The following RPH3A variants were observed in gnomAD, a reference collection of about 807,000 sequenced individuals.
The protein encoded by RPH3A is rabphilin 3A.
A neutral mutation model predicts 102.2 loss-of-function variants in RPH3A; 48 were observed. The observed-to-expected ratio is 0.47, with a 90% CI of 0.37 to 0.60. RPH3A has a LOEUF of 0.60. RPH3A is among the 20% of genes least tolerant of loss of function. The probability of loss-of-function intolerance (pLI) is 0.00; values close to 1 mark genes in which losing one functional copy is unlikely to be tolerated. For missense variants in RPH3A, 781 were observed against 910.1 expected, an observed-to-expected ratio of 0.86 and a Z score of 1.83; for synonymous variants, 310 against 324.3, an observed-to-expected ratio of 0.96 and a Z score of 0.47.
At chr12:112,741,942 C>T (rs1271054831) in intron 1 of RPH3A, among the ~76,000 whole-genome samples, 1 of 152,242 alleles carries the variant, frequency 6.6e-6, no homozygotes, top group East Asian at 1.9e-4. Flanking sequence ...TGATTTTGCA[C>T]GTACTAAACC....
At chr12:112,643,887 TCA>T (rs2135993038) in intron 1 of RPH3A, among the ~76,000 whole-genome samples, 1 of 152,310 alleles carries the variant, frequency 6.6e-6, no homozygotes, top group East Asian at 1.9e-4. Flanking sequence ...ACAGCACTAT[TCA>T]CAAAAGCTAA....
chr12:112,588,386 A>G (rs1566218423), intron 1 of RPH3A, among the ~76,000 whole-genome samples: 1 of 149,630 alleles, frequency 6.7e-6, no homozygotes. Flanking sequence ...CATGTCTTAC[A>G]TGAAAGAAAG....
At chr12:112,634,240 T>G (rs61942289) in intron 1 of RPH3A, among the ~76,000 whole-genome samples, 1 of 37,930 alleles carries the variant, frequency 2.6e-5, no homozygotes, top group African/African-American at 1.9e-4. Flanking sequence ...CCCAGCTACT[T>G]GGGAGGCTGA....
chr12:112,588,389 A>ATGACAGGC (rs111337644), intron 1 of RPH3A, among the ~76,000 whole-genome samples: 17,016 of 152,164 alleles, frequency 0.11, 1,105 homozygotes, highest in South Asian at 0.34. Context: ...GTCTTACATG[A>ATGACAGGC]AAGAAAGTGC....
At chr12:112,713,444 T>A (rs961314716) in intron 1 of RPH3A, among the ~76,000 whole-genome samples, 9 of 152,272 alleles carry the variant, frequency 5.9e-5, no homozygotes, top group African/African-American at 2.2e-4. Context: ...AAATCAACAG[T>A]GTGTAGAAAA....
chr12:112,887,847 A>T lies in RPH3A; in HGVS notation c.1487A>T (p.Glu496Val), dbSNP rs753868235. The T allele has an allele frequency of 2.5e-6, 4 of 1,613,884 alleles. No homozygotes were observed. Among genetic ancestry groups the T allele is most frequent in the Non-Finnish European group, 3.4e-6 (4 of 1,179,888 alleles). Reference protein sequence around the residue: ...DKFGHNEFIGETRFSLKKLKP... With the variant: ...DKFGHNEFIGVTRFSLKKLKP... The stretch of plus-strand genomic sequence containing the variant: ...TTTGGCCACAATGAATTTATTGGTG[A>T]GACCAGATTCTCCCTCAAGAAACTG... The change falls in exon 17 of 22, where the codon GAG becomes GTG. Residue 496 changes from glutamate to valine, a missense_variant. This residue lies in a region of RPH3A where 730 missense variants were observed against 810.0 expected (regional missense o/e 0.90). Coordinates refer to ENST00000389385, the MANE Select transcript of RPH3A (RefSeq NM_001143854.2).
chr12:112,586,921 C>T (rs1483350297), intron 1 of RPH3A, among the ~76,000 whole-genome samples: 1 of 152,176 alleles, frequency 6.6e-6, no homozygotes, highest in Non-Finnish European at 1.5e-5. Context: ...CATGATAGAT[C>T]CCTTATGGAG....
intron 5 of RPH3A, among the ~76,000 whole-genome samples, chr12:112,861,736 G>A (rs1565926072): frequency 6.6e-6 from 1 of 152,188 alleles, no homozygotes; most frequent in Non-Finnish European, 1.5e-5. Flanking sequence ...ATCCCCGGCT[G>A]GGTGCAGTGG....
At chr12:112,860,594 A>G (rs1243823913) in intron 5 of RPH3A, among the ~76,000 whole-genome samples, 2 of 152,196 alleles carry the variant, frequency 1.3e-5, no homozygotes, top group East Asian at 3.9e-4. Context: ...CTTAAAGCAC[A>G]CTGCGGTTTA....
intron 1 of RPH3A, among the ~76,000 whole-genome samples, chr12:112,763,827 G>A (rs944282114): frequency 5.9e-5 from 9 of 152,184 alleles, no homozygotes; most frequent in Non-Finnish European, 8.8e-5. Flanking sequence ...TTAGCTGCGA[G>A]AAGGGTTCAC....
chr12:112,604,966 G>T (rs918954614), intron 1 of RPH3A, among the ~76,000 whole-genome samples: 1 of 152,198 alleles, frequency 6.6e-6, no homozygotes, highest in African/African-American at 2.4e-5. Flanking sequence ...GTTGTGTATT[G>T]TTAATTCTGC....
At chr12:112,627,066 G>C (rs980450698) in intron 1 of RPH3A, among the ~76,000 whole-genome samples, 1 of 112,828 alleles carries the variant, frequency 8.9e-6, no homozygotes, top group African/African-American at 3.4e-5. Flanking sequence ...TGGTGGGGTG[G>C]GGGGAGGGGG....
intron 1 of RPH3A, among the ~76,000 whole-genome samples, chr12:112,619,439 A>C (rs2039706175): frequency 6.6e-6 from 1 of 152,022 alleles, no homozygotes; most frequent in Non-Finnish European, 1.5e-5. Context: ...GCATGCTATC[A>C]TGCCCAGCTA....
chr12:112,605,509 T>C (rs1045532173), intron 1 of RPH3A, among the ~76,000 whole-genome samples: 1 of 152,200 alleles, frequency 6.6e-6, no homozygotes, highest in African/African-American at 2.4e-5. Context: ...ATACAACTTA[T>C]GGGTGGTGGA....
chr12:112,660,599 C>T (rs2040042472), intron 1 of RPH3A, among the ~76,000 whole-genome samples: 1 of 152,130 alleles, frequency 6.6e-6, no homozygotes, highest in Non-Finnish European at 1.5e-5. Context: ...GCAGGAGTGT[C>T]ACTTGAGGCC....
chr12:112,669,143 C>T (rs1195882563), intron 1 of RPH3A, among the ~76,000 whole-genome samples: 1 of 152,172 alleles, frequency 6.6e-6, no homozygotes, highest in African/African-American at 2.4e-5. Context: ...TGAAGTCCAG[C>T]CCAAACTCCG....
intron 2 of RPH3A, among the ~76,000 whole-genome samples, chr12:112,806,341 A>T (rs1356607233): frequency 6.6e-6 from 1 of 152,240 alleles, no homozygotes. Context: ...ACCTGGACAG[A>T]AAGTGATTTT....
chr12:112,640,292 T>G (rs1171031497), intron 1 of RPH3A, among the ~76,000 whole-genome samples: 1 of 111,738 alleles, frequency 8.9e-6, no homozygotes, highest in African/African-American at 3.5e-5. Context: ...ACCATTGCAC[T>G]CCAGCCTGGT....
intron 1 of RPH3A, among the ~76,000 whole-genome samples, chr12:112,726,185 A>G (rs551355823): frequency 6.1e-4 from 91 of 148,590 alleles, no homozygotes; most frequent in African/African-American, 2.1e-3. Context: ...CACAGTCTTG[A>G]CTCACTGCAA....
Sources: gnomAD v4.1 joint callset for allele counts (sites outside exome capture counted in the v4.1 genomes callset) on GRCh38, gnomAD v4.1.1 for gene constraint, gnomAD v4.1.1 regional missense constraint, MANE v1.5 for transcripts, NCBI Gene and HGNC (gene_info 2026-07-23, HGNC 2026-07-21) for gene names.